Variants in HTR7 observed in about 807,000 individuals in gnomAD.
HTR7 encodes 5-hydroxytryptamine receptor 7.
A neutral mutation model predicts 34.0 loss-of-function variants in HTR7; 16 were observed. The observed-to-expected ratio is 0.47, with a 90% confidence interval of 0.32 to 0.71. The LOEUF is 0.71. Among genes scored for constraint, HTR7 ranks in the 30% least tolerant of loss-of-function variants. The probability of loss-of-function intolerance (pLI) is 0.04; values close to 1 mark genes in which losing one functional copy is unlikely to be tolerated. For missense variants in HTR7, 504 were observed against 625.5 expected, an observed-to-expected ratio of 0.81 and a Z score of 2.07; for synonymous variants, 265 against 260.2, an observed-to-expected ratio of 1.02 and a Z score of -0.18.
rs12783938 is a variant in HTR7, at chr10:90,809,002, G to A, written c.539+48131C>T. On this transcript the variant is annotated intron_variant, in intron 1 of 3. Coordinates refer to ENST00000336152, the MANE Select transcript of HTR7 (RefSeq NM_019859.4). ...CTAGTCTCTGTTCCCAATGCAACTC[G>A]TCCCAAATCTTCCTTCTTTCCCTCC... Among the ~76,000 whole-genome samples, 865 of 151,974 alleles carry A rather than the reference G, an allele frequency of 5.7e-3. 5 individuals carry two copies. The highest frequency in any genetic ancestry group is 0.011 in the South Asian group (51 of 4,790).
rs548322699 is a variant in HTR7 at position 90,831,172 on chromosome 10, C to A, written c.539+25961G>T. Among the ~76,000 whole-genome samples the A allele has an allele frequency of 2.1e-3, 322 of 152,326 alleles. 1 individual carries two copies. Among genetic ancestry groups the A allele is most frequent in the Middle Eastern group, 0.01 (3 of 294 alleles). ...GACCCATGGGCTGGAGGTAGTGTGT[C>A]CGGAATTGGTAGGCTCTTGGTCTCA... On this transcript the variant is annotated intron_variant, in intron 1 of 3. Transcript: ENST00000336152.
At chr10:90,796,416 T>C (rs1845538834) in intron 1 of HTR7, among the ~76,000 whole-genome samples, 1 of 152,220 alleles carries the variant, frequency 6.6e-6, no homozygotes, top group Non-Finnish European at 1.5e-5. Context: ...CTTTCAAAAG[T>C]AATTTGTGTG....
intron 1 of HTR7, among the ~76,000 whole-genome samples, chr10:90,821,293 G>A (rs1845977049): frequency 6.6e-6 from 1 of 152,156 alleles, no homozygotes; most frequent in Admixed American, 6.5e-5. Flanking sequence ...ACCCCCAGCA[G>A]CAGCCCCAAA....
At chr10:90,854,221 C>T (rs767184320) in intron 1 of HTR7, among the ~76,000 whole-genome samples, 13 of 152,248 alleles carry the variant, frequency 8.5e-5, no homozygotes, top group Non-Finnish European at 1.8e-4. Context: ...GGTGTGGTGG[C>T]GTGCACCTGT....
intron 1 of HTR7, among the ~76,000 whole-genome samples, chr10:90,804,813 T>C (rs1379512498): frequency 1.3e-5 from 2 of 152,228 alleles, no homozygotes; most frequent in Non-Finnish European, 2.9e-5. Context: ...TTTTTATTTA[T>C]TTATTTTTTC....
At chr10:90,812,616 C>A (rs531185053) in intron 1 of HTR7, among the ~76,000 whole-genome samples, 1 of 152,240 alleles carries the variant, frequency 6.6e-6, no homozygotes, top group South Asian at 2.1e-4. Flanking sequence ...CACAATATCA[C>A]CCCTTACCAC....
At chr10:90,831,180 G>A (rs958621233) in intron 1 of HTR7, among the ~76,000 whole-genome samples, 5 of 152,244 alleles carry the variant, frequency 3.3e-5, no homozygotes, top group Admixed American at 3.3e-4. Flanking sequence ...GTCCGGAATT[G>A]GTAGGCTCTT....
chr10:90,795,804 T>C (rs1197958641), intron 1 of HTR7, among the ~76,000 whole-genome samples: 1 of 152,174 alleles, frequency 6.6e-6, no homozygotes, highest in South Asian at 2.1e-4. Context: ...ATTGGTACAT[T>C]GGAAGGGCGG....
At chr10:90,756,965 A>G (rs1156819651) in intron 1 of HTR7, among the ~76,000 whole-genome samples, 1 of 152,196 alleles carries the variant, frequency 6.6e-6, no homozygotes, top group Non-Finnish European at 1.5e-5. Context: ...ATACTTGTTA[A>G]TTACTTCAGT....
chr10:90,812,047 T>C (rs372307759), intron 1 of HTR7, among the ~76,000 whole-genome samples: 2 of 152,250 alleles, frequency 1.3e-5, no homozygotes, highest in East Asian at 1.9e-4. Flanking sequence ...AAAACACACC[T>C]CACCAAGCTC....
Position 90,857,585 on chromosome 10 carries a change from G to T in HTR7, c.87C>A (p.Pro29=). The T allele has an allele frequency of 6.3e-7, 1 of 1,594,488 alleles. No homozygotes were observed. Among genetic ancestry groups the T allele is most frequent in the Non-Finnish European group, 8.5e-7 (1 of 1,172,468 alleles). The part of the protein sequence containing the change: ...FLLPEVGRGL[P]DLSPDGGADP... ...CGGCGCCACCGTCGGGGCTCAAGTCGGGCAGCCCGCGCCCCACTTCTGGCA... is the reference window on the plus strand; with the variant it reads ...CGGCGCCACCGTCGGGGCTCAAGTCTGGCAGCCCGCGCCCCACTTCTGGCA... Residue 29 remains proline, a synonymous_variant, in exon 1 of 4, where the codon CCC becomes CCA. Coordinates refer to ENST00000336152, the MANE Select transcript of HTR7 (RefSeq NM_019859.4). The surrounding 1 kb of genome is among the most constrained non-coding windows in gnomAD (Gnocchi z 6.5).
intron 1 of HTR7, among the ~76,000 whole-genome samples, chr10:90,834,033 G>C (rs1324780078): frequency 6.6e-6 from 1 of 152,148 alleles, no homozygotes; most frequent in Non-Finnish European, 1.5e-5. Flanking sequence ...ACAAGGATAG[G>C]TAAAAGGCAC....
intron 1 of HTR7, among the ~76,000 whole-genome samples, chr10:90,802,117 T>C (rs143567409): frequency 3.7e-4 from 56 of 152,326 alleles, no homozygotes; most frequent in Non-Finnish European, 6.3e-4. Context: ...ACTAGACCGG[T>C]GTCTGTTTAG....
chr10:90,810,084 T>A (rs1433595886), intron 1 of HTR7, among the ~76,000 whole-genome samples: 1 of 152,136 alleles, frequency 6.6e-6, no homozygotes, highest in East Asian at 1.9e-4. Context: ...GACGGCCAGG[T>A]TTCTAAACCT....
intron 1 of HTR7, among the ~76,000 whole-genome samples, chr10:90,840,599 C>G (rs1846314945): frequency 6.6e-6 from 1 of 152,164 alleles, no homozygotes; most frequent in Non-Finnish European, 1.5e-5. Flanking sequence ...AAGAACTGTT[C>G]AAATTTTTCT....
At chr10:90,853,582 G>A (rs755289237) in intron 1 of HTR7, among the ~76,000 whole-genome samples, 4 of 151,720 alleles carry the variant, frequency 2.6e-5, no homozygotes, top group Non-Finnish European at 5.9e-5. Context: ...TGGGATTACA[G>A]TTGTGAGTCA....
chr10:90,753,925 A>G (rs1471823522), intron 1 of HTR7, among the ~76,000 whole-genome samples: 1 of 152,056 alleles, frequency 6.6e-6, no homozygotes, highest in East Asian at 1.9e-4. Flanking sequence ...TTGTGTGAGC[A>G]TGTCTGTGTA....
intron 1 of HTR7, among the ~76,000 whole-genome samples, chr10:90,825,543 A>G (rs932137956): frequency 1.3e-5 from 2 of 152,226 alleles, no homozygotes; most frequent in African/African-American, 4.8e-5. Flanking sequence ...AGAGATGGAG[A>G]TATGTGACCT....
intron 1 of HTR7, among the ~76,000 whole-genome samples, chr10:90,824,367 G>A (rs1846035468): frequency 6.6e-6 from 1 of 152,250 alleles, no homozygotes; most frequent in Non-Finnish European, 1.5e-5. Context: ...ATAATCAGCA[G>A]TGGTATCTAG....
Sources: allele counts gnomAD v4.1 joint callset (sites outside exome capture counted in the v4.1 genomes callset), GRCh38; gene constraint gnomAD v4.1.1; non-coding constraint Gnocchi (gnomAD v3.1); transcripts MANE v1.5; gene names NCBI Gene and HGNC (gene_info 2026-07-23, HGNC 2026-07-21).